Variants in TAB2 observed in about 807,000 individuals in gnomAD.
TAB2 encodes the protein TGF-beta-activated kinase 1 and MAP3K7-binding protein 2.
Under a neutral mutation model 65.0 loss-of-function variants are expected in TAB2, and 3 were observed. That is an observed-to-expected ratio of 0.05 (90% confidence interval 0.02 to 0.12). The LOEUF (loss-of-function observed/expected upper bound fraction) is 0.12. Ranked by LOEUF, TAB2 falls within the 10% of genes least tolerant of loss-of-function variation. TAB2 has a pLI of 1.00. For missense variants in TAB2, 623 were observed against 840.3 expected, an observed-to-expected ratio of 0.74 and a Z score of 3.20; for synonymous variants, 298 against 285.1, an observed-to-expected ratio of 1.05 and a Z score of -0.46.
chr6:149,289,773 G>A (rs1201668414), intron 1 of TAB2, among the ~76,000 whole-genome samples: 1 of 152,244 alleles, frequency 6.6e-6, no homozygotes, highest in Non-Finnish European at 1.5e-5. Flanking sequence ...ATGCGCCTAA[G>A]TTGGTCGGGC....
intron 4 of TAB2, 32 bp from the exon 5 acceptor site, chr6:149,397,937 G>A: frequency 6.3e-7 from 1 of 1,598,256 alleles, no homozygotes. Context: ...AGAATTCAGT[G>A]CAAATCTTAC....
intron 1 of TAB2, among the ~76,000 whole-genome samples, chr6:149,276,923 T>C (rs1267770499): frequency 6.6e-6 from 1 of 152,208 alleles, no homozygotes; most frequent in Non-Finnish European, 1.5e-5. Flanking sequence ...AGGGACCCAG[T>C]TGGAGATAAT....
At chr6:149,400,916 A>C in intron 6 of TAB2, 1 of 502,692 alleles carries the variant, frequency 2.0e-6, no homozygotes, top group Non-Finnish European at 3.6e-6. Context: ...GTTTTGATTG[A>C]CATCAAGTGG....
chr6:149,375,346 G>T (rs992087577), intron 2 of TAB2, among the ~76,000 whole-genome samples: 1 of 152,022 alleles, frequency 6.6e-6, no homozygotes, highest in Admixed American at 6.5e-5. Flanking sequence ...TAAAACCCCT[G>T]TAAGTTCTTT....
At chr6:149,311,087 C>T (rs79366249) in intron 1 of TAB2, among the ~76,000 whole-genome samples, 38 of 152,274 alleles carry the variant, frequency 2.5e-4, no homozygotes, top group Non-Finnish European at 4.4e-4. Flanking sequence ...GATCTAATTA[C>T]GTTCCATCGT....
At chr6:149,298,421 G>A (rs959721791) in intron 1 of TAB2, among the ~76,000 whole-genome samples, 4 of 152,190 alleles carry the variant, frequency 2.6e-5, no homozygotes, top group Admixed American at 6.5e-5. Flanking sequence ...TGAGCCTGGA[G>A]TTTGAGACCA....
chr6:149,392,855 G>A (rs1487022478), intron 3 of TAB2, among the ~76,000 whole-genome samples: 1 of 152,100 alleles, frequency 6.6e-6, no homozygotes, highest in Non-Finnish European at 1.5e-5. Context: ...TACTAACATT[G>A]TTTCATAATG....
At chr6:149,381,546 C>G (rs183345974) in intron 3 of TAB2, among the ~76,000 whole-genome samples, 62 of 143,608 alleles carry the variant, frequency 4.3e-4, no homozygotes, top group Admixed American at 1.4e-3. Context: ...CTTAAACTTG[C>G]TATCTTCAAT....
In TAB2 at chr6:149,378,734, A is replaced by C. The variant is rs1322331543; in HGVS notation, c.819A>C (p.Pro273=). 1 of 1,614,110 alleles carries C rather than the reference A, an allele frequency of 6.2e-7. No individual in the cohort carries two copies. Among genetic ancestry groups the C allele is most frequent in the Non-Finnish European group, 8.5e-7 (1 of 1,180,018 alleles). The change falls in exon 3 of 7, where the codon CCA becomes CCC. Residue 273 remains proline (P), a synonymous_variant. Coordinates refer to ENST00000637181, the MANE Select transcript of TAB2 (RefSeq NM_001292034.3). ...NPLSHTSSQQ[P]NQQGHQTSHV... ...TGTCACATACCTCATCTCAACAGCCAAATCAGCAAGGCCACCAGACCTCTC... is the reference window on the plus strand; with the variant it reads ...TGTCACATACCTCATCTCAACAGCCCAATCAGCAAGGCCACCAGACCTCTC...
At chr6:149,299,586 A>G (rs1269243933) in intron 1 of TAB2, among the ~76,000 whole-genome samples, 2 of 152,214 alleles carry the variant, frequency 1.3e-5, no homozygotes, top group African/African-American at 2.4e-5. Flanking sequence ...AATAATAACA[A>G]TAATAATTCA....
At chr6:149,222,307 G>C (rs1303230134) in intron 1 of TAB2, among the ~76,000 whole-genome samples, 1 of 152,010 alleles carries the variant, frequency 6.6e-6, no homozygotes, top group Non-Finnish European at 1.5e-5. Flanking sequence ...ATAATCACAC[G>C]AGCCAATCCC....
intron 2 of TAB2, among the ~76,000 whole-genome samples, chr6:149,377,553 A>G (rs1425982479): frequency 6.6e-6 from 1 of 152,092 alleles, no homozygotes; most frequent in East Asian, 1.9e-4. Flanking sequence ...CTTTTTAAAC[A>G]TTTATTAGTT....
intron 1 of TAB2, among the ~76,000 whole-genome samples, chr6:149,360,474 A>G (rs1335400281): frequency 1.3e-5 from 2 of 152,204 alleles, no homozygotes; most frequent in African/African-American, 2.4e-5. Flanking sequence ...CAACTCAATC[A>G]TGAGAACAGT....
chr6:149,259,206 T>C (rs1778102071), intron 1 of TAB2, among the ~76,000 whole-genome samples: 1 of 152,088 alleles, frequency 6.6e-6, no homozygotes, highest in South Asian at 2.1e-4. Context: ...ATGGAGGATG[T>C]TTTTCAGGGA....
intron 1 of TAB2, among the ~76,000 whole-genome samples, chr6:149,283,788 T>C (rs1028486153): frequency 2.6e-5 from 4 of 152,104 alleles, no homozygotes; most frequent in African/African-American, 9.7e-5. Context: ...GGGAACAATA[T>C]AGAGTTGAAT....
rs761363103 is a variant in TAB2 at position 149,379,558 on chromosome 6, G to C, written c.1603+40G>C. The C allele has an allele frequency of 1.4e-5, 22 of 1,600,226 alleles. No individual in the cohort carries two copies. In the Admixed American group the frequency reaches 3.7e-4, roughly 27 times the overall value. On this transcript the variant is annotated intron_variant, in intron 3 of 6. Coordinates refer to ENST00000637181, the MANE Select transcript of TAB2 (RefSeq NM_001292034.3). Reference sequence around the variant, plus strand: ...AAAGGTGGGATGGTTTTCCATGCTGGGCTTGTTGGTGTGCATTTGATTTCA... The same window carrying C: ...AAAGGTGGGATGGTTTTCCATGCTGCGCTTGTTGGTGTGCATTTGATTTCA...
chr6:149,409,703 T>C lies in TAB2; in HGVS notation c.2066T>C (p.Met689Thr). 1 of 1,614,150 alleles carries C rather than the reference T, an allele frequency of 6.2e-7. No individual in the cohort carries two copies. The highest frequency in any genetic ancestry group is 8.5e-7 in the Non-Finnish European group (1 of 1,179,982). ...PALIRCEQCE[M>T]PRHF ...TTAATTCGCTGTGAACAGTGTGAGA[T>C]GCCAAGGCATTTCTGAGCCAAATGG... The change falls in exon 7 of 7, where the codon ATG becomes ACG. Residue 689 changes from methionine (M) to threonine (T), a missense_variant. Met to Thr is a moderately conservative substitution (Grantham distance 81). Transcript: ENST00000637181.
intron 3 of TAB2, among the ~76,000 whole-genome samples, chr6:149,382,370 G>A (rs567858952): frequency 6.6e-6 from 1 of 152,298 alleles, no homozygotes. Context: ...GGCCGAGGTG[G>A]GTGGATCACA....
intron 1 of TAB2, among the ~76,000 whole-genome samples, chr6:149,361,735 C>T (rs1780860064): frequency 6.6e-6 from 1 of 152,180 alleles, no homozygotes; most frequent in Non-Finnish European, 1.5e-5. Context: ...TTCTACTTCC[C>T]CTTTAAATAT....
Sources: gnomAD v4.1 joint callset for allele counts (sites outside exome capture counted in the v4.1 genomes callset) on GRCh38, gnomAD v4.1.1 for gene constraint, MANE v1.5 for transcripts, NCBI Gene and HGNC (gene_info 2026-07-23, HGNC 2026-07-21) for gene names.